The following SRBD1 variants were observed in gnomAD, a reference collection of about 807,000 sequenced individuals.
SRBD1 encodes S1 RNA-binding domain-containing protein 1.
In SRBD1, 88 loss-of-function variants were observed where a neutral mutation model predicts 115.3. The observed-to-expected ratio is 0.76, with a 90% CI of 0.64 to 0.91. The LOEUF (loss-of-function observed/expected upper bound fraction) is 0.91, where lower values mean the gene tolerates loss of function less well. Ranked by LOEUF, SRBD1 falls within the 40% of genes least tolerant of loss-of-function variation. The pLI is 0.00. For missense variants in SRBD1, 1,385 were observed against 1,177.4 expected (o/e 1.18, Z -2.58); for synonymous variants, 509 against 407.7 (o/e 1.25, Z -2.99).
At chr2:45,488,911 G>C (rs1670206268) in intron 14 of SRBD1, among the ~76,000 whole-genome samples, 1 of 151,826 alleles carries the variant, frequency 6.6e-6, no homozygotes, top group African/African-American at 2.4e-5. Context: ...TTTCAGGAGG[G>C]TCTGAAAATC....
rs566103389 is a variant in SRBD1, at chr2:45,455,975, T to C, written c.2049+21018A>G. On this transcript the variant is annotated intron_variant, in intron 16 of 20. Coordinates refer to ENST00000263736, the MANE Select transcript of SRBD1 (RefSeq NM_018079.5). ...TACAGTTTCACCTTAGTGACTTAAA[T>C]AAATATACATAAAGTAATAAACACT... 3.1e-4 allele frequency among the ~76,000 whole-genome samples: 47 copies of C among 151,726 alleles called. No homozygotes were observed. The South Asian group carries it at 3.7e-3, about 12-fold the overall frequency.
At chr2:45,577,951 T>C (rs1469245348) in intron 7 of SRBD1, among the ~76,000 whole-genome samples, 5 of 152,290 alleles carry the variant, frequency 3.3e-5, no homozygotes, top group African/African-American at 1.2e-4. Context: ...AGTACTACTG[T>C]AACTGTGCTA....
Position 45,418,466 on chromosome 2 carries a change from G to T in SRBD1, c.2232C>A (p.Asn744Lys), listed in dbSNP as rs778470617. ...CTTTCACTTTCTTCAGCTGTTCTCG[G>T]TTGATAAAGGGTCCATTTTTCTCTC... ...EWREKNGPFI[N>K]REQLKKVKGL... is the part of the protein sequence containing the mutation. The change falls in exon 18 of 21, where the codon AAC (asparagine) becomes AAA (lysine). Residue 744 changes from asparagine (N) to lysine (K), a missense_variant. Transcript: ENST00000263736. 2.5e-6 allele frequency: 4 copies of T among 1,613,734 alleles called. No homozygotes were observed. In the South Asian group the frequency reaches 4.4e-5, roughly 18 times the overall value.
chr2:45,540,833 C>A (rs1488051089), intron 14 of SRBD1, among the ~76,000 whole-genome samples: 1 of 152,228 alleles, frequency 6.6e-6, no homozygotes, highest in Non-Finnish European at 1.5e-5. Context: ...TACATATCCA[C>A]TAGGGCAGCT....
In SRBD1 at chr2:45,587,987, T is replaced by C. The variant is rs533636584; in HGVS notation, c.649-2213A>G. Among the ~76,000 whole-genome samples the C allele has an allele frequency of 5.9e-5, 9 of 152,292 alleles. No homozygotes were observed. The East Asian group carries it at 1.5e-3, about 26-fold the overall frequency. ...TCTTCCAACTCCTTCAACTCTTAAA[T>C]CCAATCCATCTTAAGAACCAGTCAA... is the stretch of plus-strand genomic sequence containing the variant. On this transcript the variant is annotated intron_variant, in intron 4 of 20. Coordinates refer to ENST00000263736, the MANE Select transcript of SRBD1 (RefSeq NM_018079.5).
intron 19 of SRBD1, among the ~76,000 whole-genome samples, chr2:45,409,533 A>G (rs1667535102): frequency 6.7e-6 from 1 of 148,976 alleles, no homozygotes; most frequent in African/African-American, 2.5e-5. Context: ...AAAAAAAAGA[A>G]TAAAGAAAAG....
At chr2:45,547,358 C>G (rs758026855) in intron 13 of SRBD1, among the ~76,000 whole-genome samples, 164 bp downstream of exon 13, 1 of 152,124 alleles carries the variant, frequency 6.6e-6, no homozygotes, top group Non-Finnish European at 1.5e-5. Context: ...TCTCAAGTCT[C>G]CACATGCAGA....
In SRBD1 at chr2:45,585,787, G is replaced by C; in HGVS notation, c.649-13C>G. 1.9e-6 allele frequency: 3 copies of C among 1,566,452 alleles called. No homozygotes were observed. Among genetic ancestry groups the C allele is most frequent in the Non-Finnish European group, 2.6e-6 (3 of 1,163,962 alleles). ...TCTCAGATAAAACCTGCAAATTAAA[G>C]ATACTTAGTGATTTAAAATGCTGAA... On this transcript the variant is annotated splice_polypyrimidine_tract_variant and intron_variant, in intron 4 of 20. Coordinates refer to ENST00000263736, the MANE Select transcript of SRBD1 (RefSeq NM_018079.5).
chr2:45,572,932 G>A (rs1217947741), intron 9 of SRBD1, among the ~76,000 whole-genome samples: 1 of 152,204 alleles, frequency 6.6e-6, no homozygotes, highest in East Asian at 1.9e-4. Context: ...GGGAAGCAGA[G>A]TCTAACAAAA....
At chr2:45,571,834 A>G (rs1244448368) in intron 9 of SRBD1, among the ~76,000 whole-genome samples, 1 of 152,062 alleles carries the variant, frequency 6.6e-6, no homozygotes, top group Non-Finnish European at 1.5e-5. Context: ...GGGAATATAC[A>G]GTCAGAGAAA....
chr2:45,566,186 A>C (rs1672824607), intron 9 of SRBD1, among the ~76,000 whole-genome samples: 1 of 152,228 alleles, frequency 6.6e-6, no homozygotes, highest in Non-Finnish European at 1.5e-5. Context: ...GCTACCATAT[A>C]ACACAGCAAT....
At chr2:45,501,292 T>G (rs1329458928) in intron 14 of SRBD1, among the ~76,000 whole-genome samples, 1 of 152,212 alleles carries the variant, frequency 6.6e-6, no homozygotes, top group African/African-American at 2.4e-5. Flanking sequence ...TTAAAATATT[T>G]TTTAGACAAG....
chr2:45,604,479 A>G (rs1674203317), intron 2 of SRBD1, among the ~76,000 whole-genome samples: 1 of 152,120 alleles, frequency 6.6e-6, no homozygotes, highest in African/African-American at 2.4e-5. Context: ...ACTAAGGAGA[A>G]GGATCTAAGC....
At chr2:45,520,020 C>A (rs534914485) in intron 14 of SRBD1, among the ~76,000 whole-genome samples, 20 of 152,268 alleles carry the variant, frequency 1.3e-4, no homozygotes, top group African/African-American at 4.8e-4. Flanking sequence ...CTGCCCTGTA[C>A]AAGTTCTTTA....
At chr2:45,491,181 T>C in intron 14 of SRBD1, among the ~76,000 whole-genome samples, 1 of 152,128 alleles carries the variant, frequency 6.6e-6, no homozygotes, top group Middle Eastern at 3.2e-3. Flanking sequence ...AAAAGTACAC[T>C]AAATTTACGA....
At chr2:45,400,916 C>T (rs1224853159) in intron 19 of SRBD1, among the ~76,000 whole-genome samples, 5 of 152,144 alleles carry the variant, frequency 3.3e-5, no homozygotes, top group Non-Finnish European at 7.4e-5. Flanking sequence ...AAAGTTATGT[C>T]AAGTCTCAGG....
At chr2:45,474,155 T>C (rs908746218) in intron 16 of SRBD1, among the ~76,000 whole-genome samples, 1 of 152,250 alleles carries the variant, frequency 6.6e-6, no homozygotes, top group Non-Finnish European at 1.5e-5. Context: ...AATGCAATAA[T>C]CTCTTTTCTC....
rs1426276823 is a variant in SRBD1, at chr2:45,551,264, A to C, written c.1536T>G (p.Asp512Glu). 3 of 1,599,594 alleles carry C rather than the reference A, an allele frequency of 1.9e-6. No homozygotes were observed. Among genetic ancestry groups the C allele is most frequent in the Non-Finnish European group, 1.7e-6 (2 of 1,177,098 alleles). The change falls in exon 12 of 21, where the codon GAT (aspartate) becomes GAG (glutamate). Residue 512 changes from aspartate (D) to glutamate (E), a missense_variant. Asp to Glu is a conservative substitution (Grantham distance 45, BLOSUM62 2). Coordinates refer to ENST00000263736, the MANE Select transcript of SRBD1 (RefSeq NM_018079.5). ...ACATCATTACTGATTCCTTCTCTGC[A>C]TCTGATGTTAGTTTGGCTCTTTAGA... is the stretch of plus-strand genomic sequence containing the variant. Reference protein sequence around the residue: ...CREFRAKLTSDAEKESVMMFG... With the variant: ...CREFRAKLTSEAEKESVMMFG...
In SRBD1 at chr2:45,561,912, T is replaced by C. The variant is rs546632375; in HGVS notation, c.1409+741A>G. 3.3e-5 allele frequency among the ~76,000 whole-genome samples: 5 copies of C among 152,196 alleles called. No homozygotes were observed. The South Asian group carries it at 6.2e-4, about 19-fold the overall frequency. ...CCCACATACAGAATGCTTATTTATA[T>C]TGTAATATCCAATAAGTTAATTTTT... On this transcript the variant is annotated intron_variant, in intron 10 of 20. Transcript: ENST00000263736.
Sources: allele counts gnomAD v4.1 joint callset (sites outside exome capture counted in the v4.1 genomes callset), GRCh38; gene constraint gnomAD v4.1.1; transcripts MANE v1.5; gene names NCBI Gene and HGNC (gene_info 2026-07-23, HGNC 2026-07-21).